ATP8B4: variants seen among roughly 807,000 people sequenced by gnomAD.
The protein encoded by ATP8B4 is ATPase phospholipid transporting 8B4 (putative), also known as probable phospholipid-transporting ATPase IM.
ATP8B4 carries 133 observed loss-of-function variants against 145.6 expected under a neutral mutation model. The observed-to-expected ratio is 0.91, with a 90% confidence interval of 0.79 to 1.05. The LOEUF (loss-of-function observed/expected upper bound fraction) is 1.05. Among genes scored for constraint, ATP8B4 ranks in the 50% least tolerant of loss-of-function variants. ATP8B4 has a pLI of 0.00. For synonymous variants in ATP8B4, 507 were observed against 492.9 expected, an observed-to-expected ratio of 1.03 and a Z score of -0.38; for missense variants, 1,458 against 1,425.2, an observed-to-expected ratio of 1.02 and a Z score of -0.37.
chr15:50,010,416 T>C (rs1323104238), intron 7 of ATP8B4, among the ~76,000 whole-genome samples: 1 of 152,052 alleles, frequency 6.6e-6, no homozygotes, highest in Admixed American at 6.6e-5. Context: ...GGAAGAAACA[T>C]ATCTTTTCTC....
chr15:49,974,439 G>T (rs1288110540), intron 12 of ATP8B4, among the ~76,000 whole-genome samples: 1 of 150,178 alleles, frequency 6.7e-6, no homozygotes, highest in Non-Finnish European at 1.5e-5. Flanking sequence ...ATGTTGCCCA[G>T]GTTGGCCTCA....
intron 1 of ATP8B4, among the ~76,000 whole-genome samples, chr15:50,109,640 G>GA (rs58221041): frequency 2.0e-5 from 3 of 150,540 alleles, no homozygotes; most frequent in South Asian, 2.1e-4. Context: ...CAAGCAAGAT[G>GA]AAAAAAAAGG....
At chr15:49,993,954 C>A (rs968005148) in intron 9 of ATP8B4, among the ~76,000 whole-genome samples, 2 of 152,056 alleles carry the variant, frequency 1.3e-5, no homozygotes, top group African/African-American at 2.4e-5. Flanking sequence ...CTGTATGAAG[C>A]AAATTCAAGT....
Position 49,897,495 on chromosome 15 carries a change from T to C in ATP8B4, c.2494A>G (p.Ile832Val). 6.4e-7 allele frequency: 1 copy of C among 1,567,188 alleles called. No individual in the cohort carries two copies. Among genetic ancestry groups the C allele is most frequent in the South Asian group, 1.2e-5 (1 of 83,028 alleles). ...MIKSAHIGVG[I>V]SGQEGLQAVL... Reference sequence around the variant, plus strand: ...GCTTGCAATCCTTCCTGGCCGCTGATGCCAACACCAATGTGAGCACCTACA... The same window carrying C: ...GCTTGCAATCCTTCCTGGCCGCTGACGCCAACACCAATGTGAGCACCTACA... Residue 832 changes from isoleucine (I) to valine (V), a missense_variant, in exon 23 of 28, where the codon ATC (isoleucine) becomes GTC (valine). Transcript: ENST00000284509.
At chr15:49,865,312 C>T (rs546289137) in intron 26 of ATP8B4, among the ~76,000 whole-genome samples, 2 of 152,306 alleles carry the variant, frequency 1.3e-5, no homozygotes, top group African/African-American at 4.8e-5. Context: ...AGTTCCACGC[C>T]CCTTCCTCCA....
chr15:49,931,055 T>C, intron 16 of ATP8B4, 64 bp downstream of exon 16: 1 of 1,481,724 alleles, frequency 6.7e-7, no homozygotes, highest in South Asian at 1.3e-5. Flanking sequence ...GTGAAATTAA[T>C]CCTTGAAAAG....
At chr15:49,950,615 C>CAAAAAAAAAAAA (rs1189915156) in intron 14 of ATP8B4, among the ~76,000 whole-genome samples, 1 of 79,980 alleles carries the variant, frequency 1.3e-5, no homozygotes, top group Non-Finnish European at 2.6e-5. Flanking sequence ...AACAAACAAA[C>CAAAAAAAAAAAA]AAACAAAAAA....
intron 10 of ATP8B4, 89 bp downstream of exon 10, chr15:49,987,302 G>T: frequency 7.0e-7 from 1 of 1,436,202 alleles, no homozygotes; most frequent in Non-Finnish European, 9.4e-7. Flanking sequence ...AAAGCACTGC[G>T]CTCATCAGAA....
In ATP8B4 at chr15:49,858,840, C is replaced by T. The variant is rs575060916; in HGVS notation, c.*1354G>A. 3 of 152,282 alleles carry T rather than the reference C, an allele frequency of 2.0e-5. No individual in the cohort carries two copies. The highest frequency in any genetic ancestry group is 2.9e-5 in the Non-Finnish European group (2 of 68,006). 9.4% of individuals were successfully genotyped at this position (152,282 alleles called of 1,614,324 possible). On this transcript the variant is annotated 3_prime_UTR_variant, in exon 28 of 28. Transcript: ENST00000284509. ...ATTCTCTTCCAATTGCTCTGTTATA[C>T]TGATGTTGAGTTAACTGGAACTTAA...
intron 2 of ATP8B4, among the ~76,000 whole-genome samples, chr15:50,080,875 AG>A (rs2054502242): frequency 6.6e-6 from 1 of 152,080 alleles, no homozygotes; most frequent in South Asian, 2.1e-4. Context: ...GCACTTTGGG[AG>A]GCCGAGGCAG....
chr15:49,864,275 G>A (rs1040112531), intron 26 of ATP8B4, among the ~76,000 whole-genome samples: 1 of 152,160 alleles, frequency 6.6e-6, no homozygotes, highest in Admixed American at 6.5e-5. Context: ...TACAATTTCA[G>A]GTGCCTTTGC....
rs993997259 is a variant in ATP8B4 at position 49,972,638 on chromosome 15, G to T, written c.1187C>A (p.Thr396Asn). Residue 396 changes from threonine to asparagine, a missense_variant, in exon 13 of 28, where the codon ACC (threonine) becomes AAC (asparagine). Transcript: ENST00000284509. ...AAAGGTCATGATGTTTTGAGTGAGG[G>T]TACCCGTTTTGTCGGAGAAAATGTA... ...IEYIFSDKTG[T>N]LTQNIMTFKR... The T allele has an allele frequency of 6.2e-7, 1 of 1,613,804 alleles. No homozygotes were observed. The highest frequency in any genetic ancestry group is 1.1e-5 in the South Asian group (1 of 91,066).
intron 6 of ATP8B4, among the ~76,000 whole-genome samples, chr15:50,033,955 G>A (rs1471644984): frequency 1.3e-5 from 2 of 152,072 alleles, no homozygotes; most frequent in Non-Finnish European, 2.9e-5. Flanking sequence ...TCTTCATCCA[G>A]TCCATTATTG....
intron 1 of ATP8B4, among the ~76,000 whole-genome samples, chr15:50,152,087 T>C (rs752926356): frequency 3.3e-5 from 5 of 152,178 alleles, no homozygotes; most frequent in Non-Finnish European, 7.4e-5. Flanking sequence ...CATAAACCCA[T>C]GTTTCTTCAT....
chr15:50,104,471 T>G (rs1348233817), intron 2 of ATP8B4, among the ~76,000 whole-genome samples: 2 of 151,912 alleles, frequency 1.3e-5, no homozygotes, highest in African/African-American at 4.8e-5. Context: ...CCAACAAATA[T>G]ATGAAAAAAT....
At chr15:50,155,808 A>C (rs2044403108) in intron 1 of ATP8B4, among the ~76,000 whole-genome samples, 1 of 151,982 alleles carries the variant, frequency 6.6e-6, no homozygotes, top group African/African-American at 2.4e-5. Flanking sequence ...AATAAAAAGA[A>C]TAGGTAGATC....
chr15:50,019,930 T>G (rs1284635169), intron 6 of ATP8B4, among the ~76,000 whole-genome samples: 3 of 151,944 alleles, frequency 2.0e-5, no homozygotes, highest in African/African-American at 4.8e-5. Flanking sequence ...CTCTCCACTA[T>G]GTAGGGCCCA....
chr15:50,098,361 A>C (rs983047985), intron 2 of ATP8B4, among the ~76,000 whole-genome samples: 14 of 134,278 alleles, frequency 1.0e-4, no homozygotes, highest in African/African-American at 3.7e-4. Flanking sequence ...GCACAATCAT[A>C]GCTCACTGCA....
intron 1 of ATP8B4, among the ~76,000 whole-genome samples, chr15:50,150,578 T>C (rs1408205590): frequency 3.3e-5 from 5 of 152,222 alleles, no homozygotes; most frequent in Admixed American, 6.5e-5. Flanking sequence ...GAAACTCTTC[T>C]GGCCACATTT....
Sources: allele counts gnomAD v4.1 joint callset (sites outside exome capture counted in the v4.1 genomes callset), GRCh38; gene constraint gnomAD v4.1.1; transcripts MANE v1.5; gene names NCBI Gene and HGNC (gene_info 2026-07-23, HGNC 2026-07-21).